The following CPT1C variants were observed in gnomAD, a reference collection of about 807,000 sequenced individuals.
CPT1C encodes the protein palmitoyl thioesterase CPT1C.
CPT1C carries 61 observed loss-of-function variants against 97.3 expected under a neutral mutation model. That is an observed-to-expected ratio of 0.63 (90% CI 0.51 to 0.78). The LOEUF is 0.78. Ranked by LOEUF, CPT1C falls within the 30% of genes least tolerant of loss-of-function variation. The pLI, the probability that CPT1C is intolerant of heterozygous loss-of-function variation, is 0.00. For synonymous variants in CPT1C, 469 were observed against 447.2 expected (o/e 1.05, Z -0.61); for missense variants, 975 against 1,065.5 (o/e 0.92, Z 1.18).
intron 14 of CPT1C, among the ~76,000 whole-genome samples, chr19:49,709,746 A>T (rs1439795568): frequency 6.6e-6 from 1 of 151,688 alleles, no homozygotes; most frequent in African/African-American, 2.4e-5. Flanking sequence ...AATAGAGATG[A>T]GGTTTTTCCA....
chr19:49,692,278 G>A lies in CPT1C; in HGVS notation c.26G>A (p.Gly9Asp), dbSNP rs1162689323. 9 of 1,614,022 alleles carry A rather than the reference G, an allele frequency of 5.6e-6. No individual in the cohort carries two copies. The highest frequency in any genetic ancestry group is 1.7e-5 in the Admixed American group (1 of 59,996). ...ATGGCTGAAGCGCACCAGGCCGTGG[G>A]CTTCCGACCCTCGCTGACCTCGGAC... MAEAHQAV[G>D]FRPSLTSDGA... The change falls in exon 3 of 20, where the codon GGC becomes GAC. Residue 9 changes from glycine to aspartate, a missense_variant. Gly to Asp is a moderately conservative substitution (Grantham distance 94, BLOSUM62 -1). Transcript: ENST00000598293.
At chr19:49,712,064 C>T (rs1305538260) in intron 17 of CPT1C, 103 bp downstream of exon 17, 18 of 1,396,984 alleles carry the variant, frequency 1.3e-5, no homozygotes, top group South Asian at 2.7e-5. Flanking sequence ...CCATCAAGGC[C>T]GGGCACGGTG....
At position 49,694,302 on chromosome 19, in the gene CPT1C, TAGAGA is replaced by T. The variant is rs977630592; in HGVS notation, c.141+1914_141+1918del. On this transcript the variant is annotated intron_variant, in intron 3 of 19. Transcript: ENST00000598293. ...ATGCTATGGTGAATGATAAATCGGGTAGAGAAGAGTGATGTGGGGGTGTTGCAGTT... is the reference window on the plus strand; with the variant it reads ...ATGCTATGGTGAATGATAAATCGGGTAGAGTGATGTGGGGGTGTTGCAGTT... Among the ~76,000 whole-genome samples the T allele has an allele frequency of 9.2e-5, 14 of 151,648 alleles. No individual in the cohort carries two copies. In the East Asian group the frequency reaches 2.5e-3, roughly 27 times the overall value.
intron 17 of CPT1C, chr19:49,712,188 C>G (rs944098694): frequency 7.7e-6 from 4 of 520,980 alleles, no homozygotes; most frequent in African/African-American, 1.9e-5. Context: ...ACTAAAAATA[C>G]AAAAATTAGC....
At position 49,706,332 on chromosome 19, in the gene CPT1C, C is replaced by A. The variant is rs1259562071; in HGVS notation, c.1262C>A (p.Pro421His). 2 of 1,528,596 alleles carry A rather than the reference C, an allele frequency of 1.3e-6. No individual in the cohort carries two copies. Among genetic ancestry groups the A allele is most frequent in the East Asian group, 5.0e-5 (2 of 40,320 alleles). The allele number at this position is 1,528,596 out of a possible 1,614,324, so 94.7% of individuals were successfully genotyped here. The change falls in exon 12 of 20, where the codon CCC becomes CAC. Residue 421 changes from proline to histidine, a missense_variant. Physicochemically the swap from Pro to His is moderately conservative, Grantham distance 77 (BLOSUM62 -2). This residue lies in a region of CPT1C where 596 missense variants were observed against 603.1 expected (regional missense o/e 0.99). Coordinates refer to ENST00000598293, the MANE Select transcript of CPT1C (RefSeq NM_001199753.2). This position sits in a 1 kb window ranked among gnomAD's most constrained non-coding sequence, Gnocchi z 4.8. ...AAFFVSLDAE[P>H]AGLTREDPAA... ...TTCTTTGTGTCACTGGATGCTGAGC[C>A]CGCGGGGCTCACCAGGGAGGACCCG... is the stretch of plus-strand genomic sequence containing the variant.
intron 19 of CPT1C, 102 bp downstream of exon 19, chr19:49,713,166 C>T (rs570509548): frequency 3.7e-6 from 4 of 1,075,182 alleles, no homozygotes; most frequent in East Asian, 2.4e-5. Flanking sequence ...CAGGCCCCAG[C>T]CCCTCCTCCC....
At chr19:49,708,002 CAAAAAAAAAA>C (rs60276067) in intron 13 of CPT1C, among the ~76,000 whole-genome samples, 2 of 56,788 alleles carry the variant, frequency 3.5e-5, no homozygotes, top group African/African-American at 6.1e-5. Flanking sequence ...GAATACATCT[CAAAAAAAAAA>C]AAAAAAAAAA....
intron 4 of CPT1C, among the ~76,000 whole-genome samples, chr19:49,699,060 G>A (rs145192871): frequency 9.8e-4 from 149 of 152,114 alleles, no homozygotes; most frequent in African/African-American, 3.2e-3. Context: ...GCGAGATCAC[G>A]CCACTGCACT....
In CPT1C at chr19:49,692,362, G is replaced by A. The variant is rs759980211; in HGVS notation, c.110G>A (p.Arg37His). Residue 37 changes from arginine to histidine, a missense_variant, in exon 3 of 20, where the codon CGC (arginine) becomes CAC (histidine). Physicochemically the swap from Arg to His is conservative, Grantham distance 29 (BLOSUM62 0). Around this residue, in one of 3 missense-constraint regions of CPT1C, gnomAD observed 596 missense variants for 603.1 expected, o/e 0.99. Coordinates refer to ENST00000598293, the MANE Select transcript of CPT1C (RefSeq NM_001199753.2). ...CAGGAGATCTACCTCTCTGGCCTGCGCTCCTGGAAAAGGCATCTCTCACGT... is the reference window on the plus strand; with the variant it reads ...CAGGAGATCTACCTCTCTGGCCTGCACTCCTGGAAAAGGCATCTCTCACGT... ...VLQEIYLSGL[R>H]SWKRHLSRFW... 21 of 1,613,974 alleles carry A rather than the reference G, an allele frequency of 1.3e-5. No homozygotes were observed. Among genetic ancestry groups the A allele is most frequent in the Admixed American group, 1.7e-5 (1 of 59,980 alleles).
At chr19:49,709,075 A>C (rs1041577908) in intron 14 of CPT1C, among the ~76,000 whole-genome samples, 2 of 149,648 alleles carry the variant, frequency 1.3e-5, no homozygotes, top group African/African-American at 5.0e-5. Context: ...TCCCATCCTC[A>C]ACCCCAACCC....
intron 17 of CPT1C, 144 bp from the exon 18 acceptor site, chr19:49,712,592 G>A (rs1422854458): frequency 1.1e-5 from 7 of 646,020 alleles, no homozygotes; most frequent in African/African-American, 1.8e-5. Flanking sequence ...CAGATAGGGC[G>A]TGGTCAGGAG....
intron 5 of CPT1C, 98 bp downstream of exon 5, chr19:49,700,953 C>CCT (rs1189465784): frequency 2.3e-6 from 3 of 1,332,122 alleles, no homozygotes; most frequent in Non-Finnish European, 2.1e-6. Flanking sequence ...GGTCTCTGTC[C>CCT]CTCTCTCTCT....
At chr19:49,704,819 C>A in intron 8 of CPT1C, 32 bp downstream of exon 8, 1 of 1,599,962 alleles carries the variant, frequency 6.3e-7, no homozygotes. Flanking sequence ...TTCATAGGCC[C>A]CAGGTCTAGG....
rs1469745611 is a variant in CPT1C at position 49,692,433 on chromosome 19, G to C, written c.141+40G>C. The C allele has an allele frequency of 2.5e-6, 4 of 1,608,230 alleles. No individual in the cohort carries two copies. The African/African-American group carries it at 5.3e-5, about 21-fold the overall frequency. ...TGGTCGGTTTCCTTCCGGGGATCCA[G>C]GTTTCTGCTTCCGGGATGTCTGAGG... On this transcript the variant is annotated intron_variant, in intron 3 of 19. Coordinates refer to ENST00000598293, the MANE Select transcript of CPT1C (RefSeq NM_001199753.2).
chr19:49,713,162 C>T, intron 19 of CPT1C, 98 bp downstream of exon 19: 1 of 1,101,278 alleles, frequency 9.1e-7, no homozygotes, highest in Non-Finnish European at 1.4e-6. Flanking sequence ...ATTCCAGGCC[C>T]CAGCCCCTCC....
At chr19:49,700,646 A>G (rs1454461180) in intron 4 of CPT1C, 38 bp from the exon 5 acceptor site, 6 of 1,594,396 alleles carry the variant, frequency 3.8e-6, no homozygotes, top group Non-Finnish European at 5.1e-6. Context: ...TTCTGAGGCC[A>G]GGAGACCCAG....
rs368693138 is a variant in CPT1C at position 49,692,232 on chromosome 19, G to A, written c.-14-7G>A. 13 of 1,612,500 alleles carry A rather than the reference G, an allele frequency of 8.1e-6. No individual in the cohort carries two copies. Among genetic ancestry groups the A allele is most frequent in the African/African-American group, 1.3e-5 (1 of 75,020 alleles). ...GGGGTCCTGAAGTATGACTCTGCCC[G>A]ACTCAGGGCTCCAGCGTGACATGGC... is the stretch of plus-strand genomic sequence containing the variant. On this transcript the variant is annotated splice_region_variant and splice_polypyrimidine_tract_variant and intron_variant, in intron 2 of 19. Coordinates refer to ENST00000598293, the MANE Select transcript of CPT1C (RefSeq NM_001199753.2).
intron 3 of CPT1C, among the ~76,000 whole-genome samples, chr19:49,694,434 G>C (rs1048497349): frequency 6.6e-6 from 1 of 151,584 alleles, no homozygotes; most frequent in Non-Finnish European, 1.5e-5. Context: ...TTCAAGACCA[G>C]CCTGGCCAAT....
chr19:49,701,271 C>T (rs780953965), intron 5 of CPT1C, 46 bp from the exon 6 acceptor site: 1 of 1,546,722 alleles, frequency 6.5e-7, no homozygotes, highest in Admixed American at 1.8e-5. Context: ...CGTCAACTCC[C>T]TGGCTCCGGT....
Sources: gnomAD v4.1 joint callset for allele counts (sites outside exome capture counted in the v4.1 genomes callset) on GRCh38, gnomAD v4.1.1 for gene constraint, gnomAD v4.1.1 regional missense constraint, Gnocchi (gnomAD v3.1) non-coding constraint, MANE v1.5 for transcripts, NCBI Gene and HGNC (gene_info 2026-07-23, HGNC 2026-07-21) for gene names.